ARHGAP31: variants seen among roughly 807,000 people sequenced by gnomAD.
ARHGAP31 encodes the protein Rho GTPase activating protein 31.
Under a neutral mutation model 113.9 loss-of-function variants are expected in ARHGAP31, and 34 were observed. The observed-to-expected ratio is 0.30, with a 90% CI of 0.23 to 0.40. The LOEUF (loss-of-function observed/expected upper bound fraction) is 0.40, where lower values mean the gene tolerates loss of function less well. Among genes scored for constraint, ARHGAP31 ranks in the 10% least tolerant of loss-of-function variants. The probability of loss-of-function intolerance (pLI) is 1.00; values close to 1 mark genes in which losing one functional copy is unlikely to be tolerated. For synonymous variants in ARHGAP31, 650 were observed against 684.8 expected (o/e 0.95, Z 0.79); for missense variants, 1,548 against 1,767.1 (o/e 0.88, Z 2.22).
chr3:119,365,335 C>G lies in ARHGAP31; in HGVS notation c.120C>G (p.Ser40Arg). The change falls in exon 2 of 12, where the codon AGC (serine) becomes AGG (arginine). Residue 40 changes from serine (S) to arginine (R), a missense_variant. By Grantham distance (110) the Ser-to-Arg change is moderately radical. Coordinates refer to ENST00000264245, the MANE Select transcript of ARHGAP31 (RefSeq NM_020754.4). ...ACATAGTTCCATACGTTTTGAAGAG[C>G]TGTGCAGAATTTATAGAGACTCACG... The part of the protein sequence containing the change: ...SGQDVPYVLK[S>R]CAEFIETHGI... The G allele has an allele frequency of 8.7e-6, 14 of 1,613,936 alleles. No homozygotes were observed. Among genetic ancestry groups the G allele is most frequent in the Non-Finnish European group, 1.2e-5 (14 of 1,179,964 alleles).
In ARHGAP31 at chr3:119,380,936, A is replaced by G. The variant is rs1210704094; in HGVS notation, c.381A>G (p.Gln127=). 1 of 1,614,062 alleles carries G rather than the reference A, an allele frequency of 6.2e-7. No homozygotes were observed. The highest frequency in any genetic ancestry group is 1.3e-5 in the African/African-American group (1 of 74,926). Reference sequence around the variant, plus strand: ...TGTCGCATTGCCCTGAAGAAGGCCAACTGGCCCGAATCCAAAATGTTATCC... The same window carrying G: ...TGTCGCATTGCCCTGAAGAAGGCCAGCTGGCCCGAATCCAAAATGTTATCC... ...EAVSHCPEEG[Q]LARIQNVIQE... The change falls in exon 4 of 12, where the codon CAA becomes CAG. Residue 127 remains glutamine, a synonymous_variant. Coordinates refer to ENST00000264245, the MANE Select transcript of ARHGAP31 (RefSeq NM_020754.4).
intron 1 of ARHGAP31, among the ~76,000 whole-genome samples, chr3:119,316,139 G>A (rs2079728367): frequency 6.6e-6 from 1 of 152,182 alleles, no homozygotes. Flanking sequence ...TATTAGTCAT[G>A]TGACCTTGCA....
chr3:119,325,591 T>C (rs1007325713), intron 1 of ARHGAP31, among the ~76,000 whole-genome samples: 17 of 115,040 alleles, frequency 1.5e-4, no homozygotes, highest in Admixed American at 7.8e-4. Context: ...GGAGAAAGGG[T>C]GGAGGGGAAG....
At position 119,416,069 on chromosome 3, in the gene ARHGAP31, C is replaced by G; in HGVS notation, c.4140C>G (p.Thr1380=). Residue 1380 remains threonine, a synonymous_variant, in exon 12 of 12, where the codon ACC becomes ACG. Transcript: ENST00000264245. ...TGCTGTCCCCTATCAGAAGTCCCAC[C>G]CAGACAGTTTCCCCTGGCCTTCTTT... ...KVLLSPIRSP[T]QTVSPGLLCG... The G allele has an allele frequency of 6.2e-7, 1 of 1,614,192 alleles. No individual in the cohort carries two copies. The highest frequency in any genetic ancestry group is 8.5e-7 in the Non-Finnish European group (1 of 1,180,026).
At chr3:119,371,043 G>A (rs1465981087) in intron 3 of ARHGAP31, among the ~76,000 whole-genome samples, 3 of 152,108 alleles carry the variant, frequency 2.0e-5, no homozygotes, top group Non-Finnish European at 2.9e-5. Context: ...ATACCTTATT[G>A]TTGCTTTAAT....
chr3:119,343,259 T>A (rs890215499), intron 1 of ARHGAP31, among the ~76,000 whole-genome samples: 1 of 152,024 alleles, frequency 6.6e-6, no homozygotes, highest in African/African-American at 2.4e-5. Flanking sequence ...AAGAGTGGGG[T>A]TGGGAGTCAG....
intron 1 of ARHGAP31, chr3:119,329,992 T>A: frequency 1.0e-6 from 1 of 985,316 alleles, no homozygotes; most frequent in South Asian, 4.7e-5. Context: ...GCGGGGTGAG[T>A]TTCCACTATC....
intron 1 of ARHGAP31, among the ~76,000 whole-genome samples, chr3:119,340,790 G>T (rs574067603): frequency 5.3e-5 from 8 of 152,274 alleles, no homozygotes; most frequent in African/African-American, 1.9e-4. Context: ...ATTTAATTTT[G>T]TTGACCATGT....
intron 1 of ARHGAP31, among the ~76,000 whole-genome samples, chr3:119,361,807 G>A (rs2080209582): frequency 6.6e-6 from 1 of 152,208 alleles, no homozygotes; most frequent in Non-Finnish European, 1.5e-5. Flanking sequence ...CAGAGATTGA[G>A]TCCTTTCCCA....
intron 6 of ARHGAP31, among the ~76,000 whole-genome samples, 162 bp from the exon 7 acceptor site, chr3:119,390,623 G>A (rs1023230776): frequency 3.3e-5 from 5 of 152,186 alleles, no homozygotes; most frequent in Admixed American, 6.5e-5. Flanking sequence ...ATCAGTTTCC[G>A]GTGTGCAGCC....
At chr3:119,395,378 G>A (rs2080541629) in intron 8 of ARHGAP31, among the ~76,000 whole-genome samples, 1 of 152,154 alleles carries the variant, frequency 6.6e-6, no homozygotes, top group African/African-American at 2.4e-5. Context: ...CCCTGATAGA[G>A]GGAAGGCTTC....
chr3:119,378,565 ACGTTTGTGAAG>A (rs1474975341), intron 3 of ARHGAP31, among the ~76,000 whole-genome samples: 1 of 152,178 alleles, frequency 6.6e-6, no homozygotes, highest in Non-Finnish European at 1.5e-5. Context: ...TAGTGGTACA[ACGTTTGTGAAG>A]CATGATTCCG....
Position 119,401,996 on chromosome 3 carries a change from G to C in ARHGAP31, c.1244G>C (p.Ser415Thr). ...GCTGAGGGTGGCTTTGATGTGAGCA[G>C]TGATCGCAGCCATCTCCAGGGCGCT... The part of the protein sequence containing the change: ...PGAEGGFDVS[S>T]DRSHLQGAQA... Residue 415 changes from serine to threonine, a missense_variant, in exon 10 of 12, where the codon AGT becomes ACT. Transcript: ENST00000264245. 1 of 1,614,204 alleles carries C rather than the reference G, an allele frequency of 6.2e-7. No homozygotes were observed. The highest frequency in any genetic ancestry group is 1.3e-5 in the African/African-American group (1 of 75,048).
intron 4 of ARHGAP31, among the ~76,000 whole-genome samples, chr3:119,381,528 C>T (rs562960881): frequency 6.6e-6 from 1 of 152,310 alleles, no homozygotes; most frequent in African/African-American, 2.4e-5. Context: ...GAAGGAACTT[C>T]CTAGCAATAA....
intron 11 of ARHGAP31, 108 bp from the exon 12 acceptor site, chr3:119,413,748 G>T (rs1472009531): frequency 2.0e-6 from 3 of 1,506,858 alleles, no homozygotes; most frequent in Non-Finnish European, 2.8e-6. Flanking sequence ...TGTATTTGCT[G>T]AACTGGCACA....
chr3:119,308,532 C>T (rs562776880), intron 1 of ARHGAP31, among the ~76,000 whole-genome samples: 197 of 152,332 alleles, frequency 1.3e-3, no homozygotes, highest in African/African-American at 4.5e-3. Flanking sequence ...TGTCCAAAGT[C>T]ATGTCTTTCT....
intron 3 of ARHGAP31, among the ~76,000 whole-genome samples, chr3:119,380,070 G>A (rs1012350470): frequency 6.6e-6 from 1 of 152,194 alleles, no homozygotes; most frequent in African/African-American, 2.4e-5. Flanking sequence ...TGCCTTTATT[G>A]CTATTCCTGC....
intron 3 of ARHGAP31, among the ~76,000 whole-genome samples, chr3:119,377,931 G>A (rs1351271194): frequency 1.3e-5 from 2 of 152,134 alleles, no homozygotes; most frequent in African/African-American, 2.4e-5. Context: ...GGGCCACCCT[G>A]GTGACAGGGC....
chr3:119,338,521 G>C (rs1215316867), intron 1 of ARHGAP31, among the ~76,000 whole-genome samples: 1 of 152,200 alleles, frequency 6.6e-6, no homozygotes, highest in Non-Finnish European at 1.5e-5. Context: ...ACTTAAAACA[G>C]TGACATAGGG....
Sources: gnomAD v4.1 joint callset for allele counts (sites outside exome capture counted in the v4.1 genomes callset) on GRCh38, gnomAD v4.1.1 for gene constraint, MANE v1.5 for transcripts, NCBI Gene and HGNC (gene_info 2026-07-23, HGNC 2026-07-21) for gene names.